Variants in LRMDA observed in about 807,000 individuals in gnomAD.
LRMDA encodes the protein leucine-rich melanocyte differentiation-associated protein.
In LRMDA, 18 loss-of-function variants were observed where a neutral mutation model predicts 29.8. That is an observed-to-expected ratio of 0.60 (90% CI 0.42 to 0.90). The LOEUF is 0.90. Ranked by LOEUF, LRMDA falls within the 40% of genes least tolerant of loss-of-function variation. LRMDA has a pLI of 0.00. For missense variants in LRMDA, 273 were observed against 273.9 expected (o/e 1.00, Z 0.02); for synonymous variants, 125 against 109.4 (o/e 1.14, Z -0.89).
At chr10:75,747,108 A>G (rs1842899411) in intron 2 of LRMDA, among the ~76,000 whole-genome samples, 1 of 152,188 alleles carries the variant, frequency 6.6e-6, no homozygotes, top group African/African-American at 2.4e-5. Context: ...CTTCAATAGT[A>G]TAAATTAGTT....
intron 2 of LRMDA, among the ~76,000 whole-genome samples, chr10:75,969,259 A>G (rs920148819): frequency 2.6e-5 from 4 of 152,178 alleles, no homozygotes; most frequent in African/African-American, 7.2e-5. Context: ...CTTTGAGTCT[A>G]AAGTCTGTTT....
At chr10:75,648,034 C>G (rs1339948030) in intron 2 of LRMDA, among the ~76,000 whole-genome samples, 1 of 152,204 alleles carries the variant, frequency 6.6e-6, no homozygotes, top group African/African-American at 2.4e-5. Context: ...CACAACTTCC[C>G]TTTGGGTGGC....
intron 5 of LRMDA, among the ~76,000 whole-genome samples, chr10:76,115,365 A>G (rs1358536394): frequency 6.6e-6 from 1 of 152,186 alleles, no homozygotes; most frequent in Non-Finnish European, 1.5e-5. Context: ...GCGTCTCTGC[A>G]TTATATGTGG....
At chr10:75,633,271 A>G (rs1228636622) in intron 2 of LRMDA, among the ~76,000 whole-genome samples, 1 of 152,222 alleles carries the variant, frequency 6.6e-6, no homozygotes, top group Non-Finnish European at 1.5e-5. Context: ...TAGAGCCTGC[A>G]CTTAGAAACC....
chr10:75,551,978 G>A (rs1038683396), intron 2 of LRMDA, among the ~76,000 whole-genome samples: 1 of 152,154 alleles, frequency 6.6e-6, no homozygotes, highest in African/African-American at 2.4e-5. Context: ...AGGAGGTCAA[G>A]GATTCAGTGA....
chr10:75,737,113 G>A (rs139299151), intron 2 of LRMDA, among the ~76,000 whole-genome samples: 2,046 of 151,734 alleles, frequency 0.013, 84 homozygotes, highest in Admixed American at 0.094. Flanking sequence ...GCACACGCAC[G>A]CACACACATG....
chr10:75,890,764 G>A (rs973908951), intron 2 of LRMDA, among the ~76,000 whole-genome samples: 4 of 152,168 alleles, frequency 2.6e-5, no homozygotes, highest in Admixed American at 2.6e-4. Flanking sequence ...TGTTGCACAT[G>A]GCATGCTTGG....
At chr10:75,840,817 G>A (rs1007125810) in intron 2 of LRMDA, among the ~76,000 whole-genome samples, 2 of 152,184 alleles carry the variant, frequency 1.3e-5, no homozygotes, top group African/African-American at 2.4e-5. Flanking sequence ...GAGGAACTCC[G>A]TAATAAGTCA....
In LRMDA at chr10:76,048,491, C is replaced by T. The variant is rs567779493; in HGVS notation, c.398+1188C>T. 2.4e-4 allele frequency among the ~76,000 whole-genome samples: 36 copies of T among 152,196 alleles called. No homozygotes were observed. In the South Asian group the frequency reaches 3.1e-3, roughly 13 times the overall value. On this transcript the variant is annotated intron_variant, in intron 4 of 6. Coordinates refer to ENST00000611255, the MANE Select transcript of LRMDA (RefSeq NM_001305581.2). The stretch of plus-strand genomic sequence containing the variant: ...ATTTGTTTTTTCTATTGTAACTGGT[C>T]GCATTAGCAAAAGTACTAAGACCAA...
At chr10:75,533,520 A>G (rs919438035) in intron 2 of LRMDA, among the ~76,000 whole-genome samples, 1 of 152,226 alleles carries the variant, frequency 6.6e-6, no homozygotes, top group African/African-American at 2.4e-5. Flanking sequence ...ACTTCTGGGC[A>G]TACTCATATT....
In LRMDA at chr10:76,470,381, A is replaced by AT. The variant is rs563727689; in HGVS notation, c.602-86822dup. 6 of 152,208 alleles carry AT rather than the reference A, an allele frequency of 3.9e-5. No individual in the cohort carries two copies. In the South Asian group the frequency reaches 1.0e-3, roughly 26 times the overall value. The allele number at this position is 152,208 out of a possible 1,614,324, so 9.4% of individuals were successfully genotyped here. A position where few individuals can be genotyped will look rare whatever the true frequency, so the allele number is the denominator to read the frequency against. ...GCATGGAATTACCATATAATCTAGC[A>AT]TTTTTTACTTCTAGGTATACACCCC... On this transcript the variant is annotated intron_variant, in intron 6 of 6. Transcript: ENST00000611255.
intron 2 of LRMDA, among the ~76,000 whole-genome samples, chr10:75,958,281 A>C (rs1296095054): frequency 2.6e-5 from 4 of 152,152 alleles, no homozygotes; most frequent in Non-Finnish European, 5.9e-5. Context: ...GCAAATGTTA[A>C]ATTAAGCTGG....
intron 2 of LRMDA, among the ~76,000 whole-genome samples, chr10:75,985,854 G>C (rs1272905458): frequency 6.6e-6 from 1 of 152,220 alleles, no homozygotes; most frequent in Non-Finnish European, 1.5e-5. Context: ...GGGTCCTGGA[G>C]AAGAGCTGTT....
At chr10:75,762,607 G>A (rs1019196723) in intron 2 of LRMDA, among the ~76,000 whole-genome samples, 1 of 152,126 alleles carries the variant, frequency 6.6e-6, no homozygotes, top group African/African-American at 2.4e-5. Context: ...CCCACTTAAT[G>A]GCTATATATC....
rs538775080 is a variant in LRMDA, at chr10:75,536,094, C to G, written c.131+97600C>G. Among the ~76,000 whole-genome samples the G allele has an allele frequency of 2.6e-5, 4 of 152,218 alleles. No homozygotes were observed. The South Asian group carries it at 8.3e-4, about 32-fold the overall frequency. ...TCAGCCATGCCGCCGTCGCTCTGTT[C>G]CTCTCCCACCCAGGCTTTGCTCACA... On this transcript the variant is annotated intron_variant, in intron 2 of 6. Coordinates refer to ENST00000611255, the MANE Select transcript of LRMDA (RefSeq NM_001305581.2).
At chr10:76,147,490 T>G (rs1850350123) in intron 5 of LRMDA, among the ~76,000 whole-genome samples, 1 of 152,216 alleles carries the variant, frequency 6.6e-6, no homozygotes, top group South Asian at 2.1e-4. Context: ...CTACTGAGGC[T>G]TCTGCATTCG....
chr10:76,451,887 C>T (rs1027736856), intron 6 of LRMDA, among the ~76,000 whole-genome samples: 3 of 151,700 alleles, frequency 2.0e-5, no homozygotes, highest in Non-Finnish European at 2.9e-5. Context: ...GATCTCCCGA[C>T]CTCAGGTGAT....
intron 2 of LRMDA, among the ~76,000 whole-genome samples, chr10:75,632,613 G>A (rs530094439): frequency 1.7e-3 from 261 of 151,574 alleles, no homozygotes; most frequent in Non-Finnish European, 3.3e-3. Context: ...AATGTGCTGG[G>A]GATTAAAAAA....
chr10:76,466,022 A>G (rs1000430951), intron 6 of LRMDA, among the ~76,000 whole-genome samples: 1 of 152,202 alleles, frequency 6.6e-6, no homozygotes, highest in African/African-American at 2.4e-5. Context: ...GGGGGTTTAG[A>G]ACTTCAACCT....
Sources: gnomAD v4.1 joint callset for allele counts (sites outside exome capture counted in the v4.1 genomes callset) on GRCh38, gnomAD v4.1.1 for gene constraint, MANE v1.5 for transcripts, NCBI Gene and HGNC (gene_info 2026-07-23, HGNC 2026-07-21) for gene names.